The following MYH14 variants were observed in gnomAD, a reference collection of about 807,000 sequenced individuals.
MYH14 encodes myosin heavy chain 14, also known as myosin-14.
A neutral mutation model predicts 255.5 loss-of-function variants in MYH14; 123 were observed. The ratio of observed to expected loss-of-function variants is 0.48; its 90% CI spans 0.42 to 0.56. The LOEUF is 0.56. Among genes scored for constraint, MYH14 ranks in the 20% least tolerant of loss-of-function variants. The probability of loss-of-function intolerance (pLI) is 0.00; values close to 1 mark genes in which losing one functional copy is unlikely to be tolerated. For synonymous variants in MYH14, 1,095 were observed against 1,161.2 expected, an observed-to-expected ratio of 0.94 and a Z score of 1.16; for missense variants, 2,423 against 2,802.3, an observed-to-expected ratio of 0.86 and a Z score of 3.06.
intron 39 of MYH14, among the ~76,000 whole-genome samples, chr19:50,295,431 C>T (rs1269197607): frequency 6.6e-6 from 1 of 152,030 alleles, no homozygotes; most frequent in African/African-American, 2.4e-5. Flanking sequence ...CGCTTGAGCC[C>T]AGGTGTTTGA....
In MYH14 at chr19:50,259,212, C is replaced by T. The variant is rs549728456; in HGVS notation, c.2301C>T (p.Arg767=). ...GCAACGGGGTCCTGGAGGGCATCCG[C>T]ATCTGTCGCCAGGGCTTCCCCAACC... The part of the protein sequence containing the change: ...LRCNGVLEGI[R]ICRQGFPNRI... Residue 767 remains arginine, a synonymous_variant, in exon 19 of 43, where the codon CGC becomes CGT. Coordinates refer to ENST00000642316, the MANE Select transcript of MYH14 (RefSeq NM_001145809.2). 6.3e-7 allele frequency: 1 copy of T among 1,586,568 alleles called. No individual in the cohort carries two copies. The highest frequency in any genetic ancestry group is 1.3e-5 in the African/African-American group (1 of 74,454).
chr19:50,301,485 A>AG (rs2036479008), intron 39 of MYH14, among the ~76,000 whole-genome samples, 176 bp from the exon 40 acceptor site: 2 of 152,226 alleles, frequency 1.3e-5, no homozygotes, highest in Non-Finnish European at 2.9e-5. Context: ...GTGACAAGTC[A>AG]ATAAACTATT....
chr19:50,252,494 T>A lies in MYH14; in HGVS notation c.1831-145T>A, dbSNP rs1371741999. The stretch of plus-strand genomic sequence containing the variant: ...CATGCTGGTGGGGTGCAGTTCAGAA[T>A]ATGGACACAAGGTGGCACCAGTGCT... On this transcript the variant is annotated intron_variant, in intron 15 of 42. Transcript: ENST00000642316. The surrounding 1 kb of genome is among the most constrained non-coding windows in gnomAD (Gnocchi z 4.2). The A allele has an allele frequency of 3.0e-6, 2 of 673,440 alleles. No homozygotes were observed. Among genetic ancestry groups the A allele is most frequent in the African/African-American group, 3.5e-5 (2 of 56,498 alleles). 41.7% of individuals were successfully genotyped at this position (673,440 alleles called of 1,614,324 possible). A position where few individuals can be genotyped will look rare whatever the true frequency, so the allele number is the denominator to read the frequency against.
chr19:50,243,350 C>A (rs1314057533), intron 10 of MYH14, among the ~76,000 whole-genome samples: 3 of 151,968 alleles, frequency 2.0e-5, no homozygotes, highest in African/African-American at 7.3e-5. Flanking sequence ...GCAGGAGAAT[C>A]GCTTGAAGTT....
At chr19:50,225,725 C>A in intron 7 of MYH14, 48 bp downstream of exon 7, 2 of 1,466,322 alleles carry the variant, frequency 1.4e-6, no homozygotes, top group Non-Finnish European at 1.9e-6. Flanking sequence ...GATACAGGAG[C>A]TGGGAACCTC....
At chr19:50,235,282 T>C (rs977801819) in intron 10 of MYH14, among the ~76,000 whole-genome samples, 1 of 150,338 alleles carries the variant, frequency 6.7e-6, no homozygotes, top group Non-Finnish European at 1.5e-5. Flanking sequence ...TGCTTGAACC[T>C]GGGAGGCAGA....
At position 50,266,451 on chromosome 19, in the gene MYH14, C is replaced by T. The variant is rs753897696; in HGVS notation, c.2695-426C>T. On this transcript the variant is annotated intron_variant, in intron 22 of 42. Transcript: ENST00000642316. The surrounding 1 kb of genome is among the most constrained non-coding windows in gnomAD (Gnocchi z 4.1). ...GCATACGCCTGTAATCCCAGCTACTCGGGAGGCTGAGGCAGGAGAATCGCT... is the reference window on the plus strand; with the variant it reads ...GCATACGCCTGTAATCCCAGCTACTTGGGAGGCTGAGGCAGGAGAATCGCT... Among the ~76,000 whole-genome samples, 10 of 152,020 alleles carry T rather than the reference C, an allele frequency of 6.6e-5. No homozygotes were observed. Among genetic ancestry groups the T allele is most frequent in the Admixed American group, 3.3e-4 (5 of 15,258 alleles).
chr19:50,298,922 A>AAAC (rs909777839), intron 39 of MYH14, among the ~76,000 whole-genome samples: 3 of 151,964 alleles, frequency 2.0e-5, no homozygotes, highest in Non-Finnish European at 2.9e-5. Context: ...TCCCTACCAA[A>AAAC]AACAACAACA....
In MYH14 at chr19:50,293,540, C is replaced by T; in HGVS notation, c.5346-24C>T. The T allele has an allele frequency of 6.2e-7, 1 of 1,611,622 alleles. No homozygotes were observed. Among genetic ancestry groups the T allele is most frequent in the South Asian group, 1.1e-5 (1 of 90,778 alleles). ...TCCTCTGACCATCCTGTCCTTTCATCCCCACGCCTTCCTGTCTCCCTAGGG... is the reference window on the plus strand; with the variant it reads ...TCCTCTGACCATCCTGTCCTTTCATTCCCACGCCTTCCTGTCTCCCTAGGG... On this transcript the variant is annotated intron_variant, in intron 38 of 42. Coordinates refer to ENST00000642316, the MANE Select transcript of MYH14 (RefSeq NM_001145809.2). This position sits in a 1 kb window ranked among gnomAD's most constrained non-coding sequence, Gnocchi z 4.1.
chr19:50,281,254 G>A lies in MYH14; in HGVS notation c.4291-340G>A, dbSNP rs788329. Among the ~76,000 whole-genome samples the A allele has an allele frequency of 0.41, 62,741 of 151,988 alleles. 15,024 individuals are homozygous for A. The highest frequency in any genetic ancestry group is 0.67 in the African/African-American group (27,769 of 41,442). ...TCCTGAATGTTCTAAACAGATTCTG[G>A]GCACTTCCTGTGGACCTCCATAGCT... On this transcript the variant is annotated intron_variant, in intron 32 of 42. Coordinates refer to ENST00000642316, the MANE Select transcript of MYH14 (RefSeq NM_001145809.2).
At chr19:50,298,319 T>A (rs777560567) in intron 39 of MYH14, among the ~76,000 whole-genome samples, 1 of 151,606 alleles carries the variant, frequency 6.6e-6, no homozygotes, top group Non-Finnish European at 1.5e-5. Flanking sequence ...GAGAGAGAGG[T>A]TCTGTTTACT....
At chr19:50,260,528 T>G in intron 19 of MYH14, 118 bp from the exon 20 acceptor site, 1 of 688,984 alleles carries the variant, frequency 1.5e-6, no homozygotes, top group Non-Finnish European at 2.7e-6. Context: ...ACTGTCCTTG[T>G]TATTGTCACT....
rs971043922 is a variant in MYH14, at chr19:50,290,923, A to G, written c.5002A>G (p.Lys1668Glu). The change falls in exon 36 of 43, where the codon AAG (lysine) becomes GAG (glutamate). Residue 1668 changes from lysine to glutamate, a missense_variant. Transcript: ENST00000642316. ...DAEVERDEER[K>E]QRTLAVAARK... ...AGAGGTGGAGCGGGATGAGGAGCGG[A>G]AGCAGCGCACTCTGGCCGTGGCTGC... 2 of 1,580,912 alleles carry G rather than the reference A, an allele frequency of 1.3e-6. No individual in the cohort carries two copies. The highest frequency in any genetic ancestry group is 8.6e-7 in the Non-Finnish European group (1 of 1,164,236).
chr19:50,279,641 C>A (rs1446263010), intron 30 of MYH14, among the ~76,000 whole-genome samples: 4 of 152,350 alleles, frequency 2.6e-5, no homozygotes, highest in South Asian at 2.1e-4. Flanking sequence ...CTCAAAAAAA[C>A]CCCAAAAAAC....
Position 50,293,885 on chromosome 19 carries a change from G to A in MYH14, c.5469+198G>A, listed in dbSNP as rs1380356753. Among the ~76,000 whole-genome samples, 1 of 152,178 alleles carries A rather than the reference G, an allele frequency of 6.6e-6. No individual in the cohort carries two copies. The highest frequency in any genetic ancestry group is 2.4e-5 in the African/African-American group (1 of 41,446). On this transcript the variant is annotated intron_variant, in intron 39 of 42. Coordinates refer to ENST00000642316, the MANE Select transcript of MYH14 (RefSeq NM_001145809.2). This position sits in a 1 kb window ranked among gnomAD's most constrained non-coding sequence, Gnocchi z 4.1. ...TTTCTTCAGGGCTAAATCCAAAGAT[G>A]AATTATGTGGGGAAACAGACATGGG...
At position 50,276,975 on chromosome 19, in the gene MYH14, C is replaced by T. The variant is rs2035534972; in HGVS notation, c.3825+74C>T. ...GCAGGACGCGGGGTTGGAGGAGGTA[C>T]CGCTGGCTGGTTCTAGGCTAGCTCA... On this transcript the variant is annotated intron_variant, in intron 29 of 42. Coordinates refer to ENST00000642316, the MANE Select transcript of MYH14 (RefSeq NM_001145809.2). The surrounding 1 kb of genome is among the most constrained non-coding windows in gnomAD (Gnocchi z 4.3). 14 of 1,224,328 alleles carry T rather than the reference C, an allele frequency of 1.1e-5. 1 individual carries two copies. In the South Asian group the frequency reaches 1.8e-4, roughly 16 times the overall value. 75.8% of individuals were successfully genotyped at this position (1,224,328 alleles called of 1,614,324 possible).
chr19:50,274,354 G>A (rs1305949709), intron 27 of MYH14, among the ~76,000 whole-genome samples: 2 of 152,146 alleles, frequency 1.3e-5, no homozygotes, highest in Non-Finnish European at 2.9e-5. Flanking sequence ...GAGTGCAGTG[G>A]CATGATCTTG....
At chr19:50,217,821 GC>G (rs1568467882) in intron 3 of MYH14, 50 bp downstream of exon 3, 1 of 1,593,240 alleles carries the variant, frequency 6.3e-7, no homozygotes, top group Non-Finnish European at 8.5e-7. Flanking sequence ...TTCAACGGGG[GC>G]CTGACCTGGG....
chr19:50,280,236 G>A lies in MYH14; in HGVS notation c.4143G>A (p.Leu1381=), dbSNP rs1445864815. ...GCCGTCTCCTCCATCTACAGGAGCT[G>A]CTGCAGGAGGAGACCAGGGCGAAAT... ...TEAQLHDAQE[L]LQEETRAKLA... Residue 1381 remains leucine (L), a synonymous_variant, in exon 32 of 43, where the codon CTG becomes CTA. Transcript: ENST00000642316. This position sits in a 1 kb window ranked among gnomAD's most constrained non-coding sequence, Gnocchi z 4.8. 3.2e-6 allele frequency: 5 copies of A among 1,552,036 alleles called. No individual in the cohort carries two copies. The Admixed American group carries it at 9.8e-5, about 30-fold the overall frequency.
Sources: gnomAD v4.1 joint callset for allele counts (sites outside exome capture counted in the v4.1 genomes callset) on GRCh38, gnomAD v4.1.1 for gene constraint, Gnocchi (gnomAD v3.1) non-coding constraint, MANE v1.5 for transcripts, NCBI Gene and HGNC (gene_info 2026-07-23, HGNC 2026-07-21) for gene names.